ADGRL1: variants seen among roughly 807,000 people sequenced by gnomAD.
The protein encoded by ADGRL1 is adhesion G protein-coupled receptor L1.
Under a neutral mutation model 148.9 loss-of-function variants are expected in ADGRL1, and 31 were observed. The observed-to-expected ratio is 0.21, with a 90% CI of 0.16 to 0.28. The LOEUF is 0.28. Among genes scored for constraint, ADGRL1 ranks in the 10% least tolerant of loss-of-function variants. The probability of loss-of-function intolerance (pLI) is 1.00; values close to 1 mark genes in which losing one functional copy is unlikely to be tolerated. For missense variants in ADGRL1, 1,521 were observed against 2,058.8 expected (o/e 0.74, Z 5.05); for synonymous variants, 937 against 900.3 (o/e 1.04, Z -0.73).
chr19:14,170,925 A>G (rs1392724991), intron 3 of ADGRL1, 134 bp from the exon 4 acceptor site: 2 of 610,660 alleles, frequency 3.3e-6, no homozygotes, highest in African/African-American at 3.7e-5. Flanking sequence ...AAACCAAGTG[A>G]TATAGTTTGG....
At chr19:14,203,084 T>C (rs1236736155) in intron 1 of ADGRL1, among the ~76,000 whole-genome samples, 4 of 152,100 alleles carry the variant, frequency 2.6e-5, no homozygotes, top group Non-Finnish European at 4.4e-5. Flanking sequence ...AGCAACCACT[T>C]TGCCCCAAAC....
In ADGRL1 at chr19:14,157,751, G is replaced by T; in HGVS notation, c.2535+131C>A. The T allele has an allele frequency of 8.9e-7, 1 of 1,117,488 alleles. No homozygotes were observed. The highest frequency in any genetic ancestry group is 2.6e-5 in the East Asian group (1 of 38,770). The allele number at this position is 1,117,488 out of a possible 1,614,324, so 69.2% of individuals were successfully genotyped here. ...CCAGACGCATGGCCTCATGCCCCAG[G>T]CAAGACCAGGGGCCCCCCACACCCA... On this transcript the variant is annotated intron_variant, in intron 13 of 22. Coordinates refer to ENST00000361434, the MANE Select transcript of ADGRL1 (RefSeq NM_014921.5). This position sits in a 1 kb window ranked among gnomAD's most constrained non-coding sequence, Gnocchi z 7.5.
intron 3 of ADGRL1, among the ~76,000 whole-genome samples, chr19:14,175,460 G>A (rs778225196): frequency 7.6e-5 from 10 of 131,526 alleles, no homozygotes; most frequent in Non-Finnish European, 1.6e-4. Flanking sequence ...AGCCACACCC[G>A]CTCACACACA....
chr19:14,198,440 G>A (rs568696125), intron 1 of ADGRL1, among the ~76,000 whole-genome samples: 1 of 152,260 alleles, frequency 6.6e-6, no homozygotes, highest in East Asian at 1.9e-4. Flanking sequence ...CCAAGCACTG[G>A]CTGCTTCTGG....
chr19:14,151,387 G>A lies in ADGRL1; in HGVS notation c.3896C>T (p.Pro1299Leu). ...AGGTGGCACAGGGGGCTCAGGCGGT[G>A]GAGGGCCCTTGGCCGCGCTGCTGCT... is the stretch of plus-strand genomic sequence containing the variant. ...RGSSSAAKGP[P>L]PPEPPVPPVP... Residue 1299 changes from proline to leucine, a missense_variant, in exon 23 of 23, where the codon CCA (proline) becomes CTA (leucine). Around this residue, in one of 8 missense-constraint regions of ADGRL1, gnomAD observed 390 missense variants for 375.0 expected, o/e 1.04. Coordinates refer to ENST00000361434, the MANE Select transcript of ADGRL1 (RefSeq NM_014921.5). 1 of 1,605,964 alleles carries A rather than the reference G, an allele frequency of 6.2e-7. No homozygotes were observed. Among genetic ancestry groups the A allele is most frequent in the African/African-American group, 1.3e-5 (1 of 74,806 alleles).
At chr19:14,187,573 C>G (rs989300083) in intron 1 of ADGRL1, among the ~76,000 whole-genome samples, 71 of 144,478 alleles carry the variant, frequency 4.9e-4, no homozygotes, top group African/African-American at 1.5e-3. Context: ...TAAATCCCCC[C>G]CAGCTACCTC....
chr19:14,187,502 G>A (rs539717215), intron 1 of ADGRL1, among the ~76,000 whole-genome samples: 7 of 151,128 alleles, frequency 4.6e-5, no homozygotes, highest in South Asian at 2.1e-4. Context: ...CTCTCTGCCC[G>A]CTTCCCCTCT....
rs746619364 is a variant in ADGRL1, at chr19:14,160,262, G to A, written c.1650C>T (p.Ser550=). The part of the protein sequence containing the change: ...KSGENAANIA[S]ELARHTRGSI... The stretch of plus-strand genomic sequence containing the variant: ...AGCCCCGGGTGTGTCGGGCCAGCTC[G>A]CTGGCGATGTTGGCCGCGTTCTCCC... Residue 550 remains serine, a synonymous_variant, in exon 8 of 23, where the codon AGC becomes AGT. Coordinates refer to ENST00000361434, the MANE Select transcript of ADGRL1 (RefSeq NM_014921.5). This position sits in a 1 kb window ranked among gnomAD's most constrained non-coding sequence, Gnocchi z 5.9. The A allele has an allele frequency of 1.2e-5, 19 of 1,593,222 alleles. No individual in the cohort carries two copies. Among genetic ancestry groups the A allele is most frequent in the East Asian group, 2.3e-5 (1 of 44,206 alleles).
At chr19:14,184,479 C>A (rs1292142867) in intron 1 of ADGRL1, among the ~76,000 whole-genome samples, 1 of 151,572 alleles carries the variant, frequency 6.6e-6, no homozygotes, top group Non-Finnish European at 1.5e-5. Context: ...GTTGCCCAGG[C>A]TGGAGTGCAA....
At position 14,180,180 on chromosome 19, in the gene ADGRL1, C is replaced by A. The variant is rs138749494; in HGVS notation, c.71-2436G>T. 3.0e-3 allele frequency among the ~76,000 whole-genome samples: 450 copies of A among 152,240 alleles called. 4 individuals carry two copies. The highest frequency in any genetic ancestry group is 0.01 in the African/African-American group (426 of 41,532). ...CCGGGAGAGTTAACACTGTCCAGGA[C>A]TCCACTGAAGGGAGTAACTGGAAAC... On this transcript the variant is annotated intron_variant, in intron 2 of 22. Transcript: ENST00000361434.
chr19:14,195,470 G>A (rs191731051), intron 1 of ADGRL1, among the ~76,000 whole-genome samples: 3 of 131,548 alleles, frequency 2.3e-5, no homozygotes, highest in African/African-American at 5.5e-5. Context: ...TGCCTTGGGT[G>A]GGGGGTGGGG....
Position 14,160,412 on chromosome 19 carries a change from G to T in ADGRL1, c.1615-115C>A. On this transcript the variant is annotated intron_variant, in intron 7 of 22. Transcript: ENST00000361434. This position sits in a 1 kb window ranked among gnomAD's most constrained non-coding sequence, Gnocchi z 5.9. ...CTATCTCTCTCTCCACTTCCCCATC[G>T]CCATCTGCCCCTTCCCACCCCATCT... The T allele has an allele frequency of 1.9e-6, 2 of 1,048,698 alleles. No homozygotes were observed. Among genetic ancestry groups the T allele is most frequent in the Non-Finnish European group, 2.7e-6 (2 of 732,642 alleles). The allele number at this position is 1,048,698 out of a possible 1,614,324, so 65.0% of individuals were successfully genotyped here. A position where few individuals can be genotyped will look rare whatever the true frequency, so the allele number is the denominator to read the frequency against.
Position 14,152,757 on chromosome 19 carries a change from C to A in ADGRL1, c.3423+27G>T, listed in dbSNP as rs1434982245. 4 of 1,612,814 alleles carry A rather than the reference C, an allele frequency of 2.5e-6. No homozygotes were observed. On this transcript the variant is annotated intron_variant, in intron 19 of 22. Transcript: ENST00000361434. This position sits in a 1 kb window ranked among gnomAD's most constrained non-coding sequence, Gnocchi z 6.1. ...CAGGCTCCAGGTTCCAACACTCAGC[C>A]CCAGGGAGTCCTGTCTGGCCCGATA...
intron 3 of ADGRL1, among the ~76,000 whole-genome samples, chr19:14,175,661 TAC>T (rs1389398314): frequency 6.6e-6 from 1 of 151,848 alleles, no homozygotes; most frequent in Non-Finnish European, 1.5e-5. Context: ...TGCACACACC[TAC>T]ACCTGTTCAC....
chr19:14,164,836 A>C (rs74183059), intron 4 of ADGRL1: 15,833 of 151,760 alleles, frequency 0.1, 977 homozygotes, highest in Admixed American at 0.18. Flanking sequence ...GTGGCCAGAC[A>C]CCCCACCTCC....
intron 1 of ADGRL1, chr19:14,191,208 G>A (rs1396216021): frequency 1.1e-5 from 5 of 456,720 alleles, no homozygotes; most frequent in Admixed American, 9.4e-5. Flanking sequence ...TCCAGCCTCA[G>A]CCTGTCCCCA....
At position 14,150,628 on chromosome 19, in the gene ADGRL1, C is replaced by G. The variant is rs1599375406; in HGVS notation, c.*245G>C. 1 of 546,668 alleles carries G rather than the reference C, an allele frequency of 1.8e-6. No individual in the cohort carries two copies. Among genetic ancestry groups the G allele is most frequent in the East Asian group, 3.2e-5 (1 of 31,232 alleles). The allele number at this position is 546,668 out of a possible 1,614,324, so 33.9% of individuals were successfully genotyped here. A position where few individuals can be genotyped will look rare whatever the true frequency, so the allele number is the denominator to read the frequency against. Reference sequence around the variant, plus strand: ...CTCCCCTGGGGTCCTCTGGGCTCCTCCTCACTACACTTCCCCCAAATAGAG... The same window carrying G: ...CTCCCCTGGGGTCCTCTGGGCTCCTGCTCACTACACTTCCCCCAAATAGAG... On this transcript the variant is annotated 3_prime_UTR_variant, in exon 23 of 23. Transcript: ENST00000361434.
At chr19:14,182,038 A>G (rs531322385) in intron 2 of ADGRL1, among the ~76,000 whole-genome samples, 2 of 152,206 alleles carry the variant, frequency 1.3e-5, no homozygotes, top group Non-Finnish European at 2.9e-5. Flanking sequence ...GAGAACTAGA[A>G]TGTAGGAGCC....
At chr19:14,165,718 T>G (rs1969895734) in intron 4 of ADGRL1, among the ~76,000 whole-genome samples, 1 of 149,744 alleles carries the variant, frequency 6.7e-6, no homozygotes, top group Non-Finnish European at 1.5e-5. Flanking sequence ...TGGAGGGGTG[T>G]GGTGAGGGGG....
Sources: gnomAD v4.1 joint callset for allele counts (sites outside exome capture counted in the v4.1 genomes callset) on GRCh38, gnomAD v4.1.1 for gene constraint, gnomAD v4.1.1 regional missense constraint, Gnocchi (gnomAD v3.1) non-coding constraint, MANE v1.5 for transcripts, NCBI Gene and HGNC (gene_info 2026-07-23, HGNC 2026-07-21) for gene names.